Variants in PTPRT observed in about 807,000 individuals in gnomAD.
PTPRT encodes the protein receptor-type tyrosine-protein phosphatase T.
In PTPRT, 56 loss-of-function variants were observed where a neutral mutation model predicts 176.8. The observed-to-expected ratio is 0.32, with a 90% CI of 0.26 to 0.40. The LOEUF (loss-of-function observed/expected upper bound fraction) is 0.40. Ranked by LOEUF, PTPRT falls within the 10% of genes least tolerant of loss-of-function variation. The probability of loss-of-function intolerance (pLI) is 1.00; values close to 1 mark genes in which losing one functional copy is unlikely to be tolerated. For missense variants in PTPRT, 1,540 were observed against 1,908.2 expected (o/e 0.81, Z 3.60); for synonymous variants, 783 against 739.0 (o/e 1.06, Z -0.96).
chr20:42,957,519 A>G (rs1285140788), intron 1 of PTPRT, among the ~76,000 whole-genome samples: 1 of 152,148 alleles, frequency 6.6e-6, no homozygotes, highest in Non-Finnish European at 1.5e-5. Flanking sequence ...CCTCAGGAAT[A>G]AGGGAAATCT....
intron 7 of PTPRT, among the ~76,000 whole-genome samples, chr20:42,665,035 A>G (rs568835304): frequency 6.6e-6 from 1 of 152,284 alleles, no homozygotes; most frequent in South Asian, 2.1e-4. Context: ...GGACATAGGC[A>G]TGGGCAAGGA....
At chr20:42,294,189 G>T (rs2057355712) in intron 12 of PTPRT, among the ~76,000 whole-genome samples, 1 of 152,126 alleles carries the variant, frequency 6.6e-6, no homozygotes, top group African/African-American at 2.4e-5. Flanking sequence ...AGAGTACATG[G>T]CTGATCTAAA....
intron 7 of PTPRT, among the ~76,000 whole-genome samples, chr20:42,494,023 C>G (rs997943321): frequency 3.9e-5 from 6 of 152,038 alleles, no homozygotes; most frequent in Non-Finnish European, 8.8e-5. Flanking sequence ...CTGATAAGCC[C>G]ATACAACTTA....
chr20:43,184,138 C>G (rs1225040398), intron 1 of PTPRT, among the ~76,000 whole-genome samples: 1 of 152,212 alleles, frequency 6.6e-6, no homozygotes, highest in Non-Finnish European at 1.5e-5. Context: ...CAAAAATTGT[C>G]AACTGAATAT....
At chr20:42,879,661 C>T (rs1055585955) in intron 2 of PTPRT, among the ~76,000 whole-genome samples, 6 of 152,188 alleles carry the variant, frequency 3.9e-5, no homozygotes, top group South Asian at 2.1e-4. Context: ...GGGAAAGGCC[C>T]CATGGTGTGA....
chr20:42,993,434 A>G (rs1984035212), intron 1 of PTPRT, among the ~76,000 whole-genome samples: 1 of 112,622 alleles, frequency 8.9e-6, no homozygotes, highest in South Asian at 2.3e-4. Context: ...AAAAAAAAGT[A>G]TGTGTGTATA....
intron 1 of PTPRT, among the ~76,000 whole-genome samples, chr20:43,170,114 G>C (rs1254701843): frequency 6.6e-6 from 1 of 151,880 alleles, no homozygotes; most frequent in Non-Finnish European, 1.5e-5. Context: ...ACAGCAATGA[G>C]ACCATGGGCA....
chr20:42,287,291 A>C (rs1302179833), intron 12 of PTPRT, among the ~76,000 whole-genome samples: 1 of 151,946 alleles, frequency 6.6e-6, no homozygotes, highest in Non-Finnish European at 1.5e-5. Context: ...CATCATGCTT[A>C]TTGCAACACT....
chr20:42,820,552 A>G (rs1166853279), intron 2 of PTPRT, among the ~76,000 whole-genome samples: 1 of 152,176 alleles, frequency 6.6e-6, no homozygotes, highest in African/African-American at 2.4e-5. Flanking sequence ...AGCAGAAGAC[A>G]ACAAATAACT....
At chr20:42,831,531 G>A (rs2078088385) in intron 2 of PTPRT, among the ~76,000 whole-genome samples, 2 of 152,240 alleles carry the variant, frequency 1.3e-5, no homozygotes, top group Middle Eastern at 3.4e-3. Flanking sequence ...GGAGAAATGG[G>A]ATCTAATTAA....
At position 42,107,100 on chromosome 20, in the gene PTPRT, T is replaced by C. The variant is rs146500699; in HGVS notation, c.3255-179A>G. 4.6e-3 allele frequency among the ~76,000 whole-genome samples: 695 copies of C among 152,366 alleles called. 9 individuals carry two copies. Among genetic ancestry groups the C allele is most frequent in the African/African-American group, 0.016 (652 of 41,586 alleles). ...TGCATGTGCAAACCACACATATACA[T>C]GCCATTGCCTTGTCTGATGGATAAA... On this transcript the variant is annotated intron_variant, in intron 23 of 30. Coordinates refer to ENST00000373187, the MANE Select transcript of PTPRT (RefSeq NM_007050.6).
chr20:42,805,444 T>C (rs923010933), intron 2 of PTPRT, among the ~76,000 whole-genome samples: 3 of 152,222 alleles, frequency 2.0e-5, no homozygotes, highest in Admixed American at 6.5e-5. Context: ...TGTTCACTGA[T>C]GTTGCAGGTT....
At chr20:42,386,650 C>T (rs551065389) in intron 9 of PTPRT, among the ~76,000 whole-genome samples, 27 of 152,242 alleles carry the variant, frequency 1.8e-4, no homozygotes, top group African/African-American at 6.0e-4. Context: ...ATCACGAGGT[C>T]GTGAGTTCAA....
chr20:42,847,633 A>G (rs962889493), intron 2 of PTPRT, among the ~76,000 whole-genome samples: 15 of 152,312 alleles, frequency 9.8e-5, no homozygotes, highest in Non-Finnish European at 1.9e-4. Flanking sequence ...CTTTAGAGTC[A>G]CATGCCACAG....
intron 6 of PTPRT, among the ~76,000 whole-genome samples, chr20:42,749,436 A>C (rs895492274): frequency 1.3e-5 from 2 of 150,494 alleles, no homozygotes; most frequent in African/African-American, 4.8e-5. Context: ...GTACACCTTT[A>C]GCTCACACCT....
At chr20:42,521,121 C>G (rs1221986258) in intron 7 of PTPRT, among the ~76,000 whole-genome samples, 1 of 151,988 alleles carries the variant, frequency 6.6e-6, no homozygotes, top group Non-Finnish European at 1.5e-5. Context: ...AGTGACCTAC[C>G]TACCTACCTA....
the PTPRT span, among the ~76,000 whole-genome samples, chr20:42,056,287 T>A: frequency 6.6e-6 from 1 of 152,212 alleles, no homozygotes; most frequent in Admixed American, 6.5e-5. Flanking sequence ...AGGTGACACT[T>A]TTGTCAACTT....
chr20:43,125,341 C>T (rs969750079), intron 1 of PTPRT, among the ~76,000 whole-genome samples: 2 of 152,058 alleles, frequency 1.3e-5, no homozygotes, highest in African/African-American at 4.8e-5. Context: ...TGCCAAATTC[C>T]ACCCTCTTTC....
intron 1 of PTPRT, among the ~76,000 whole-genome samples, chr20:43,051,700 C>T (rs575718026): frequency 1.4e-5 from 2 of 145,750 alleles, no homozygotes; most frequent in Non-Finnish European, 3.0e-5. Context: ...GTTTCAAATG[C>T]AACTTATTGA....
Sources: gnomAD v4.1 joint callset for allele counts (sites outside exome capture counted in the v4.1 genomes callset) on GRCh38, gnomAD v4.1.1 for gene constraint, MANE v1.5 for transcripts, NCBI Gene and HGNC (gene_info 2026-07-23, HGNC 2026-07-21) for gene names.